Variants in TRPM3 observed in about 807,000 individuals in gnomAD.
TRPM3 encodes transient receptor potential cation channel subfamily M member 3, also known as long transient receptor potential channel 3.
TRPM3 carries 77 observed loss-of-function variants against 181.2 expected under a neutral mutation model. The observed-to-expected ratio is 0.42, with a 90% CI of 0.35 to 0.51. The LOEUF is 0.51. Among genes scored for constraint, TRPM3 ranks in the 20% least tolerant of loss-of-function variants. The pLI, the probability that TRPM3 is intolerant of heterozygous loss-of-function variation, is 0.01. For missense variants in TRPM3, 1,759 were observed against 2,196.7 expected, an observed-to-expected ratio of 0.80 and a Z score of 3.98; for synonymous variants, 745 against 796.4, an observed-to-expected ratio of 0.94 and a Z score of 1.09.
intron 1 of TRPM3, among the ~76,000 whole-genome samples, chr9:71,152,754 T>C (rs1469149552): frequency 6.6e-6 from 1 of 152,204 alleles, no homozygotes; most frequent in East Asian, 1.9e-4. Flanking sequence ...CCCTTTTCTA[T>C]TAGGACAAAG....
intron 5 of TRPM3, among the ~76,000 whole-genome samples, chr9:70,831,976 T>TTTATATAC (rs1400077390): frequency 1.2e-5 from 1 of 85,154 alleles, no homozygotes; most frequent in African/African-American, 4.9e-5. Flanking sequence ...TATATATATA[T>TTTATATAC]ATATATATAT....
chr9:70,879,202 T>C (rs917220140), intron 1 of TRPM3, among the ~76,000 whole-genome samples: 7 of 151,972 alleles, frequency 4.6e-5, no homozygotes, highest in African/African-American at 1.7e-4. Context: ...GAGAAGTAAA[T>C]ACACATGCCA....
At chr9:71,367,442 C>G (rs990949985) in intron 1 of TRPM3, among the ~76,000 whole-genome samples, 2 of 152,168 alleles carry the variant, frequency 1.3e-5, no homozygotes, top group Non-Finnish European at 2.9e-5. Context: ...AGTCTAAATT[C>G]ACCTGTAAAA....
At chr9:71,230,182 T>C (rs1282681510) in intron 1 of TRPM3, among the ~76,000 whole-genome samples, 1 of 152,142 alleles carries the variant, frequency 6.6e-6, no homozygotes, top group East Asian at 1.9e-4. Context: ...TAGAACTAAA[T>C]GTCATTACGT....
chr9:71,213,014 G>A (rs1270609687), intron 1 of TRPM3, among the ~76,000 whole-genome samples: 1 of 152,136 alleles, frequency 6.6e-6, no homozygotes, highest in African/African-American at 2.4e-5. Context: ...TTTTTAATCA[G>A]ATATATAAGA....
At chr9:71,116,499 A>T (rs1294173766) in intron 1 of TRPM3, among the ~76,000 whole-genome samples, 1 of 152,222 alleles carries the variant, frequency 6.6e-6, no homozygotes, top group Non-Finnish European at 1.5e-5. Context: ...GACCAAATAC[A>T]TTTGGTTATT....
intron 1 of TRPM3, among the ~76,000 whole-genome samples, chr9:70,865,168 G>A (rs1455297003): frequency 6.6e-6 from 1 of 151,938 alleles, no homozygotes; most frequent in Non-Finnish European, 1.5e-5. Context: ...CGCCCCACAC[G>A]CCCTTCAGCA....
In TRPM3 at chr9:71,094,878, G is replaced by T. The variant is rs118079304; in HGVS notation, c.177+26300C>A. Reference sequence around the variant, plus strand: ...ATCACAGAATACACACACTCGACTCGGCAATATAATGTTGATCTTATGGGA... The same window carrying T: ...ATCACAGAATACACACACTCGACTCTGCAATATAATGTTGATCTTATGGGA... On this transcript the variant is annotated intron_variant, in intron 1 of 25. Coordinates refer to ENST00000677713, the MANE Select transcript of TRPM3 (RefSeq NM_001366145.2). Among the ~76,000 whole-genome samples, 750 of 152,086 alleles carry T rather than the reference G, an allele frequency of 4.9e-3. 19 individuals carry two copies. In the East Asian group the frequency reaches 0.078, roughly 16 times the overall value.
chr9:70,872,428 G>T (rs1374122473), intron 1 of TRPM3, among the ~76,000 whole-genome samples: 1 of 151,876 alleles, frequency 6.6e-6, no homozygotes. Flanking sequence ...AGAGGACTTT[G>T]CTCCTGTCAT....
Position 71,175,705 on chromosome 9 carries a change from C to T in TRPM3, c.183+270948G>A, listed in dbSNP as rs547288728. The stretch of plus-strand genomic sequence containing the variant: ...ACAGACGGGTCGCATAGGTTTTCAA[C>T]ATGGAGATCAAAATCATTAAATGAG... On this transcript the variant is annotated intron_variant, in intron 1 of 24. Coordinates refer to the TRPM3 transcript ENST00000357533. Among the ~76,000 whole-genome samples, 3 of 152,166 alleles carry T rather than the reference C, an allele frequency of 2.0e-5. No homozygotes were observed. The South Asian group carries it at 6.2e-4, about 32-fold the overall frequency.
At chr9:71,244,071 C>T (rs912522184) in intron 1 of TRPM3, among the ~76,000 whole-genome samples, 3 of 152,046 alleles carry the variant, frequency 2.0e-5, no homozygotes, top group African/African-American at 7.2e-5. Flanking sequence ...CTGTGGCCTA[C>T]GTATAGTAAG....
chr9:71,259,829 G>A (rs949712573), intron 1 of TRPM3, among the ~76,000 whole-genome samples: 1 of 152,112 alleles, frequency 6.6e-6, no homozygotes, highest in Non-Finnish European at 1.5e-5. Flanking sequence ...CTTCCATTCT[G>A]TAGGGTGGCT....
intron 1 of TRPM3, among the ~76,000 whole-genome samples, chr9:71,336,766 T>G (rs894876562): frequency 2.0e-5 from 3 of 152,010 alleles, no homozygotes; most frequent in African/African-American, 7.3e-5. Flanking sequence ...TATAGACCAA[T>G]GGAACAGAAC....
chr9:70,636,464 C>T (rs2057213280), intron 11 of TRPM3, among the ~76,000 whole-genome samples: 1 of 152,074 alleles, frequency 6.6e-6, no homozygotes, highest in African/African-American at 2.4e-5. Context: ...AAATAAGTTG[C>T]CATTCTATTG....
intron 1 of TRPM3, among the ~76,000 whole-genome samples, chr9:71,053,552 A>G (rs2060307372): frequency 6.6e-6 from 1 of 152,158 alleles, no homozygotes; most frequent in Non-Finnish European, 1.5e-5. Flanking sequence ...AGAGGTACAG[A>G]TGCCACCTAA....
At chr9:71,367,608 A>G (rs2092377182) in intron 1 of TRPM3, among the ~76,000 whole-genome samples, 1 of 152,272 alleles carries the variant, frequency 6.6e-6, no homozygotes, top group East Asian at 1.9e-4. Flanking sequence ...CAATCTCTCC[A>G]AGTCTGTTTT....
intron 3 of TRPM3, among the ~76,000 whole-genome samples, chr9:70,849,288 G>A (rs1031284833): frequency 6.6e-6 from 1 of 152,054 alleles, no homozygotes; most frequent in African/African-American, 2.4e-5. Context: ...GGGATTACAG[G>A]TGCCCACCAC....
chr9:70,740,497 AT>A, intron 8 of TRPM3, among the ~76,000 whole-genome samples: 1 of 152,204 alleles, frequency 6.6e-6, no homozygotes, highest in Admixed American at 6.5e-5. Flanking sequence ...TTCATGTGGA[AT>A]GAAAAAAGAG....
chr9:71,210,755 C>T (rs1587972479), intron 1 of TRPM3, among the ~76,000 whole-genome samples: 1 of 152,292 alleles, frequency 6.6e-6, no homozygotes, highest in East Asian at 1.9e-4. Flanking sequence ...ATGGCTCACA[C>T]AACAGAAATC....
Sources: allele counts gnomAD v4.1 joint callset (sites outside exome capture counted in the v4.1 genomes callset), GRCh38; gene constraint gnomAD v4.1.1; transcripts MANE v1.5; gene names NCBI Gene and HGNC (gene_info 2026-07-23, HGNC 2026-07-21).